The following FASTKD2 variants were observed in gnomAD, a reference collection of about 807,000 sequenced individuals.
The protein encoded by FASTKD2 is FAST kinase domain-containing protein 2, mitochondrial.
FASTKD2 carries 51 observed loss-of-function variants against 63.6 expected under a neutral mutation model. The ratio of observed to expected loss-of-function variants is 0.80; its 90% confidence interval spans 0.64 to 1.01. The LOEUF (loss-of-function observed/expected upper bound fraction) is 1.01. Ranked by LOEUF, FASTKD2 falls within the 50% of genes least tolerant of loss-of-function variation. FASTKD2 has a pLI of 0.00. For missense variants in FASTKD2, 786 were observed against 831.1 expected (o/e 0.95, Z 0.67); for synonymous variants, 284 against 293.4 (o/e 0.97, Z 0.33).
intron 2 of FASTKD2, among the ~76,000 whole-genome samples, chr2:206,767,874 G>A (rs1470386827): frequency 6.6e-6 from 1 of 152,206 alleles, no homozygotes; most frequent in African/African-American, 2.4e-5. Flanking sequence ...GATAGTGAAG[G>A]GGATGGTGTT....
rs535326271 is a variant in FASTKD2 at position 206,794,187 on chromosome 2, G to A, written c.*2385G>A. The stretch of plus-strand genomic sequence containing the variant: ...ATGAATATATCTATCACCTCTAAAA[G>A]GTTCCTGTCTTTGCTTTTTTCTCTG... On this transcript the variant is annotated 3_prime_UTR_variant, in exon 12 of 12. Transcript: ENST00000402774. Among the ~76,000 whole-genome samples the A allele has an allele frequency of 2.6e-5, 4 of 151,944 alleles. No homozygotes were observed. The highest frequency in any genetic ancestry group is 5.9e-5 in the Non-Finnish European group (4 of 68,006).
In FASTKD2 at chr2:206,792,363, TAAG is replaced by T. The variant is rs1690309220; in HGVS notation, c.*563_*565del. ...GGTAGAGATATTTCATGGGTTATAATAAGAGAAACACAGATGAGATGTAGATGG... is the reference window on the plus strand; with the variant it reads ...GGTAGAGATATTTCATGGGTTATAATAGAAACACAGATGAGATGTAGATGG... On this transcript the variant is annotated 3_prime_UTR_variant, in exon 12 of 12. Transcript: ENST00000402774. The T allele has an allele frequency of 6.4e-6, 1 of 156,844 alleles. No individual in the cohort carries two copies. Among genetic ancestry groups the T allele is most frequent in the South Asian group, 1.9e-4 (1 of 5,226 alleles). The allele number at this position is 156,844 out of a possible 1,614,324, so 9.7% of individuals were successfully genotyped here.
chr2:206,777,675 A>G (rs1047377486), intron 7 of FASTKD2, among the ~76,000 whole-genome samples: 1 of 152,154 alleles, frequency 6.6e-6, no homozygotes, highest in Admixed American at 6.5e-5. Flanking sequence ...TCATAAAATG[A>G]GTTCTCTGTC....
intron 3 of FASTKD2, 57 bp from the exon 4 acceptor site, chr2:206,771,125 A>G (rs1689668490): frequency 1.8e-6 from 2 of 1,101,708 alleles, no homozygotes; most frequent in Admixed American, 1.8e-5. Context: ...AAATTTTAAG[A>G]TTTTTCTTCT....
At chr2:206,770,241 A>G (rs375830668) in intron 3 of FASTKD2, 47 bp downstream of exon 3, 3 of 1,183,484 alleles carry the variant, frequency 2.5e-6, no homozygotes, top group Non-Finnish European at 3.8e-6. Flanking sequence ...TTTGTTCCTC[A>G]TATATCTGGA....
chr2:206,792,055 G>A lies in FASTKD2; in HGVS notation c.*253G>A. The A allele has an allele frequency of 2.1e-6, 1 of 474,554 alleles. No individual in the cohort carries two copies. The highest frequency in any genetic ancestry group is 6.1e-4 in the Middle Eastern group (1 of 1,628). The allele number at this position is 474,554 out of a possible 1,614,324, so 29.4% of individuals were successfully genotyped here. A position where few individuals can be genotyped will look rare whatever the true frequency, so the allele number is the denominator to read the frequency against. ...TGCCCAGATATTTGATTTGTGAGCT[G>A]TACGTTTCACCTTTTCATCTTTGAT... On this transcript the variant is annotated 3_prime_UTR_variant, in exon 12 of 12. Transcript: ENST00000402774.
intron 7 of FASTKD2, among the ~76,000 whole-genome samples, chr2:206,785,200 A>G (rs1488974344): frequency 6.6e-6 from 1 of 152,216 alleles, no homozygotes. Flanking sequence ...CCCATGATTC[A>G]GCTATCTACC....
At chr2:206,782,163 A>G (rs1399871179) in intron 7 of FASTKD2, among the ~76,000 whole-genome samples, 1 of 152,110 alleles carries the variant, frequency 6.6e-6, no homozygotes, top group Non-Finnish European at 1.5e-5. Context: ...GAAAAGCCGG[A>G]TGTTGGTTGC....
At chr2:206,787,161 A>C (rs1351627584) in intron 8 of FASTKD2, among the ~76,000 whole-genome samples, 1 of 152,202 alleles carries the variant, frequency 6.6e-6, no homozygotes, top group Non-Finnish European at 1.5e-5. Flanking sequence ...TTTATACTCT[A>C]TCCTTCTATA....
At chr2:206,776,920 A>G (rs761495577) in intron 7 of FASTKD2, among the ~76,000 whole-genome samples, 3 of 152,102 alleles carry the variant, frequency 2.0e-5, no homozygotes, top group Non-Finnish European at 4.4e-5. Context: ...AAGTCTTTCA[A>G]TCCATGAATG....
At chr2:206,773,031 T>C (rs1689726486) in intron 6 of FASTKD2, among the ~76,000 whole-genome samples, 1 of 152,068 alleles carries the variant, frequency 6.6e-6, no homozygotes, top group Non-Finnish European at 1.5e-5. Flanking sequence ...AAGGGTTGTA[T>C]GGGCTGGGCG....
At chr2:206,773,229 C>A (rs947499127) in intron 6 of FASTKD2, among the ~76,000 whole-genome samples, 14 of 148,572 alleles carry the variant, frequency 9.4e-5, no homozygotes, top group African/African-American at 3.5e-4. Flanking sequence ...GCAGGAGGAC[C>A]ACTTGAACCT....
In FASTKD2 at chr2:206,766,758, G is replaced by T. The variant is rs1244715415; in HGVS notation, c.65G>T (p.Gly22Val). 1 of 1,613,814 alleles carries T rather than the reference G, an allele frequency of 6.2e-7. No homozygotes were observed. Among genetic ancestry groups the T allele is most frequent in the Admixed American group, 1.7e-5 (1 of 59,930 alleles). Residue 22 changes from glycine to valine, a missense_variant, in exon 2 of 12, where the codon GGC (glycine) becomes GTC (valine). Transcript: ENST00000402774. ...GAGAGCAAAATGAATAACAAAGCGG[G>T]CTCCTTTTTCTGGAACCTTAGACAA... ...SVESKMNNKA[G>V]SFFWNLRQFS...
At position 206,785,002 on chromosome 2, in the gene FASTKD2, AAG is replaced by A. The variant is rs529779302; in HGVS notation, c.1428-1728_1428-1727del. On this transcript the variant is annotated intron_variant, in intron 7 of 11. Transcript: ENST00000402774. The stretch of plus-strand genomic sequence containing the variant: ...CCGAGACTGGGCACTTTACAAAAGA[AAG>A]AGGTTTAATGGACTCACAGTTCCAC... Among the ~76,000 whole-genome samples the A allele has an allele frequency of 2.0e-5, 3 of 152,346 alleles. No individual in the cohort carries two copies. The East Asian group carries it at 5.8e-4, about 29-fold the overall frequency.
At chr2:206,779,720 A>C (rs180732274) in intron 7 of FASTKD2, among the ~76,000 whole-genome samples, 1 of 152,230 alleles carries the variant, frequency 6.6e-6, no homozygotes, top group African/African-American at 2.4e-5. Flanking sequence ...GCCAAACCAT[A>C]TCAGGGAGTT....
chr2:206,784,914 T>C (rs566481308), intron 7 of FASTKD2, among the ~76,000 whole-genome samples: 2 of 152,358 alleles, frequency 1.3e-5, no homozygotes, highest in African/African-American at 4.8e-5. Flanking sequence ...CAGTTAAATA[T>C]AGCATGAAAA....
In FASTKD2 at chr2:206,770,647, G is replaced by A. The variant is rs181935117; in HGVS notation, c.881+453G>A. ...TGGGAGGCTGAGGCAGGAGAATGGC[G>A]TGAACCCAGGAGGCAGAGCTTGCAG... On this transcript the variant is annotated intron_variant, in intron 3 of 11. Coordinates refer to ENST00000402774, the MANE Select transcript of FASTKD2 (RefSeq NM_001136193.2). Among the ~76,000 whole-genome samples, 1,384 of 150,474 alleles carry A rather than the reference G, an allele frequency of 9.2e-3. 30 individuals carry two copies. The highest frequency in any genetic ancestry group is 0.032 in the African/African-American group (1,310 of 40,848).
At chr2:206,769,611 A>C (rs1279371762) in intron 2 of FASTKD2, among the ~76,000 whole-genome samples, 2 of 152,224 alleles carry the variant, frequency 1.3e-5, no homozygotes, top group African/African-American at 4.8e-5. Flanking sequence ...GAAGACTCAC[A>C]AGTAAAGTTT....
In FASTKD2 at chr2:206,772,329, A is replaced by G. The variant is rs10177169; in HGVS notation, c.1254+9A>G. 27 of 1,613,242 alleles carry G rather than the reference A, an allele frequency of 1.7e-5. No individual in the cohort carries two copies. The highest frequency in any genetic ancestry group is 3.3e-5 in the Admixed American group (2 of 60,018). On this transcript the variant is annotated intron_variant, in intron 6 of 11. Transcript: ENST00000402774. The stretch of plus-strand genomic sequence containing the variant: ...TCTGGAAGTTCAGAAAAGTGAGTAC[A>G]TTAACAATTTAGAATAAGCCTCACA...
Sources: allele counts gnomAD v4.1 joint callset (sites outside exome capture counted in the v4.1 genomes callset), GRCh38; gene constraint gnomAD v4.1.1; transcripts MANE v1.5; gene names NCBI Gene and HGNC (gene_info 2026-07-23, HGNC 2026-07-21).